METTL15: variants seen among roughly 807,000 people sequenced by gnomAD.
METTL15 encodes the protein 12S rRNA N(4)-cytidine methyltransferase METTL15.
Under a neutral mutation model 38.3 loss-of-function variants are expected in METTL15, and 34 were observed. That is an observed-to-expected ratio of 0.89 (90% CI 0.68 to 1.18). The LOEUF is 1.18. Among genes scored for constraint, METTL15 ranks in the 50% most tolerant of loss-of-function variants. METTL15 has a pLI of 0.00. For missense variants in METTL15, 438 were observed against 498.4 expected, an observed-to-expected ratio of 0.88 and a Z score of 1.15; for synonymous variants, 162 against 170.9, an observed-to-expected ratio of 0.95 and a Z score of 0.41.
At chr11:28,179,645 A>C (rs998054980) in intron 3 of METTL15, among the ~76,000 whole-genome samples, 1 of 151,820 alleles carries the variant, frequency 6.6e-6, no homozygotes, top group Admixed American at 6.6e-5. Context: ...ATGGCTATAC[A>C]GCAATTTATT....
At chr11:28,488,938 A>C in intron 6 of METTL15, among the ~76,000 whole-genome samples, 1 of 152,122 alleles carries the variant, frequency 6.6e-6, no homozygotes, top group South Asian at 2.1e-4. Context: ...AAGAGATGTT[A>C]ATGTTAATAA....
chr11:28,438,606 C>A (rs1337461332), intron 6 of METTL15, among the ~76,000 whole-genome samples: 1 of 152,034 alleles, frequency 6.6e-6, no homozygotes, highest in Non-Finnish European at 1.5e-5. Context: ...TTATCAACCA[C>A]CCCACTCCCA....
intron 4 of METTL15, among the ~76,000 whole-genome samples, chr11:28,355,443 A>G (rs1313891733): frequency 2.6e-5 from 4 of 152,156 alleles, no homozygotes; most frequent in Non-Finnish European, 4.4e-5. Flanking sequence ...TCACCATTAC[A>G]TTAAATTCCC....
chr11:28,214,567 T>G (rs1026692927), intron 4 of METTL15, among the ~76,000 whole-genome samples: 2 of 152,232 alleles, frequency 1.3e-5, no homozygotes, highest in Non-Finnish European at 2.9e-5. Flanking sequence ...CTAGCTATTC[T>G]TATTTAAATT....
intron 3 of METTL15, among the ~76,000 whole-genome samples, chr11:28,174,827 AAAAC>A (rs1398951788): frequency 2.0e-5 from 3 of 146,922 alleles, no homozygotes; most frequent in Non-Finnish European, 3.0e-5. Context: ...AAAAAAAAAA[AAAAC>A]ATAAAAAAGC....
chr11:28,195,486 T>C (rs796750543), intron 3 of METTL15, among the ~76,000 whole-genome samples: 3 of 151,846 alleles, frequency 2.0e-5, no homozygotes, highest in African/African-American at 7.2e-5. Context: ...CATTTTTTTC[T>C]ATGTTTGGCC....
intron 6 of METTL15, among the ~76,000 whole-genome samples, chr11:28,430,692 T>C (rs1304933344): frequency 1.1e-5 from 1 of 95,224 alleles, no homozygotes; most frequent in African/African-American, 4.1e-5. Flanking sequence ...AGAGCCCCTC[T>C]GCCCGGCCAG....
At chr11:28,159,475 G>T (rs919499543) in intron 3 of METTL15, among the ~76,000 whole-genome samples, 1 of 151,970 alleles carries the variant, frequency 6.6e-6, no homozygotes, top group African/African-American at 2.4e-5. Flanking sequence ...ACCTGCTGAG[G>T]TGCTTGCTGA....
chr11:28,266,856 G>T (rs1231280707), intron 4 of METTL15, among the ~76,000 whole-genome samples: 1 of 152,146 alleles, frequency 6.6e-6, no homozygotes, highest in African/African-American at 2.4e-5. Flanking sequence ...AGTGGTAACT[G>T]TTTTACAAAG....
intron 3 of METTL15, among the ~76,000 whole-genome samples, chr11:28,179,871 C>T (rs1851220201): frequency 6.6e-6 from 1 of 151,714 alleles, no homozygotes; most frequent in Non-Finnish European, 1.5e-5. Flanking sequence ...GTATCAGCAG[C>T]GTATGAGAGT....
intron 3 of METTL15, among the ~76,000 whole-genome samples, chr11:28,147,425 T>A (rs923238635): frequency 2.0e-5 from 3 of 151,842 alleles, no homozygotes; most frequent in Non-Finnish European, 4.4e-5. Context: ...TCTTTTGAAG[T>A]TATTGATTGA....
intron 3 of METTL15, among the ~76,000 whole-genome samples, chr11:28,155,242 T>C (rs1850224155): frequency 6.6e-6 from 1 of 152,204 alleles, no homozygotes; most frequent in Admixed American, 6.5e-5. Context: ...TAGAATGTAA[T>C]GCTCTCCAAT....
intron 4 of METTL15, among the ~76,000 whole-genome samples, chr11:28,242,025 C>T (rs1396851109): frequency 6.6e-6 from 1 of 152,098 alleles, no homozygotes; most frequent in Non-Finnish European, 1.5e-5. Context: ...TGAGTACACT[C>T]TCAAGGAGCC....
chr11:28,178,840 A>G (rs1407324908), intron 3 of METTL15, among the ~76,000 whole-genome samples: 2 of 151,834 alleles, frequency 1.3e-5, no homozygotes, highest in East Asian at 3.9e-4. Context: ...GGTTTCGTAT[A>G]TGTGTATGTT....
chr11:28,144,804 T>G (rs1849822871), intron 3 of METTL15: 1 of 153,244 alleles, frequency 6.5e-6, no homozygotes, highest in Non-Finnish European at 1.5e-5. Context: ...TACTTTTTAT[T>G]GACACACTTT....
intron 6 of METTL15, among the ~76,000 whole-genome samples, chr11:28,495,593 T>C (rs1851529289): frequency 6.6e-6 from 1 of 152,172 alleles, no homozygotes; most frequent in Non-Finnish European, 1.5e-5. Context: ...TGTTTGCTTA[T>C]ATGTTTCAGT....
chr11:28,157,644 G>T (rs537885312), intron 3 of METTL15, among the ~76,000 whole-genome samples: 16 of 152,160 alleles, frequency 1.1e-4, no homozygotes, highest in Non-Finnish European at 1.5e-4. Context: ...GCCCATCTAG[G>T]TATTAATTGG....
chr11:28,469,996 T>A (rs772563868), intron 6 of METTL15, among the ~76,000 whole-genome samples: 2 of 151,562 alleles, frequency 1.3e-5, no homozygotes, highest in African/African-American at 4.8e-5. Flanking sequence ...ATTTTTTAAT[T>A]GAAAAGTCAT....
At chr11:28,309,722 A>G (rs1312770347) in intron 6 of METTL15, among the ~76,000 whole-genome samples, 3 of 152,006 alleles carry the variant, frequency 2.0e-5, no homozygotes, top group South Asian at 2.1e-4. Context: ...AGACCATTCA[A>G]TCTCCTGCGT....
Sources: allele counts gnomAD v4.1 joint callset (sites outside exome capture counted in the v4.1 genomes callset), GRCh38; gene constraint gnomAD v4.1.1; transcripts MANE v1.5; gene names NCBI Gene and HGNC (gene_info 2026-07-23, HGNC 2026-07-21).